The following PDE7A variants were observed in gnomAD, a reference collection of about 807,000 sequenced individuals.
PDE7A encodes high affinity 3',5'-cyclic-AMP phosphodiesterase 7A.
A neutral mutation model predicts 64.3 loss-of-function variants in PDE7A; 39 were observed. The observed-to-expected ratio is 0.61, with a 90% CI of 0.47 to 0.79. PDE7A has a LOEUF of 0.79. Among genes scored for constraint, PDE7A ranks in the 30% least tolerant of loss-of-function variants. The pLI is 0.00. For synonymous variants in PDE7A, 203 were observed against 206.8 expected, an observed-to-expected ratio of 0.98 and a Z score of 0.16; for missense variants, 470 against 582.8, an observed-to-expected ratio of 0.81 and a Z score of 1.99.
chr8:65,753,131 C>G (rs1233093892), intron 3 of PDE7A, among the ~76,000 whole-genome samples: 2 of 152,162 alleles, frequency 1.3e-5, no homozygotes, highest in Non-Finnish European at 2.9e-5. Flanking sequence ...CAGCACTATT[C>G]CATTAAGTGC....
intron 1 of PDE7A, among the ~76,000 whole-genome samples, chr8:65,827,931 C>T (rs1810719892): frequency 6.6e-6 from 1 of 152,144 alleles, no homozygotes; most frequent in African/African-American, 2.4e-5. Context: ...TACCTCTGAA[C>T]ACCTTCTATG....
chr8:65,796,059 TC>T (rs1392661156), intron 1 of PDE7A, among the ~76,000 whole-genome samples: 1 of 146,144 alleles, frequency 6.8e-6, no homozygotes, highest in East Asian at 2.0e-4. Context: ...TAAGAAAAGA[TC>T]AATAGAAATT....
chr8:65,789,452 T>G (rs935028548), intron 1 of PDE7A, among the ~76,000 whole-genome samples: 1 of 152,248 alleles, frequency 6.6e-6, no homozygotes, highest in Non-Finnish European at 1.5e-5. Flanking sequence ...AATTTTTAAT[T>G]GAAATTTGTT....
At chr8:65,738,658 C>T (rs1463271245) in intron 6 of PDE7A, among the ~76,000 whole-genome samples, 5 of 152,074 alleles carry the variant, frequency 3.3e-5, no homozygotes, top group Non-Finnish European at 7.4e-5. Context: ...GTCTCCAACT[C>T]GTGGCCTCAC....
chr8:65,727,355 C>T (rs1437576441), intron 7 of PDE7A, 54 bp from the exon 8 acceptor site: 56 of 1,601,404 alleles, frequency 3.5e-5, no homozygotes, highest in East Asian at 4.5e-5. Flanking sequence ...ATAAGCTCTA[C>T]GCCATCACAG....
chr8:65,839,446 A>G (rs888842050), intron 1 of PDE7A, among the ~76,000 whole-genome samples: 3 of 151,974 alleles, frequency 2.0e-5, no homozygotes, highest in Non-Finnish European at 2.9e-5. Context: ...AAAGAAATCA[A>G]TATCAACATA....
chr8:65,779,375 T>C (rs1013219987), intron 3 of PDE7A, among the ~76,000 whole-genome samples: 1 of 152,200 alleles, frequency 6.6e-6, no homozygotes, highest in Admixed American at 6.5e-5. Context: ...GAAATACCTT[T>C]ATAAAATATC....
chr8:65,800,601 C>CCT, intron 1 of PDE7A, among the ~76,000 whole-genome samples: 1 of 152,294 alleles, frequency 6.6e-6, no homozygotes, highest in East Asian at 1.9e-4. Flanking sequence ...TTGCTGTGTT[C>CCT]CTCTGTGTGG....
At chr8:65,835,476 T>A (rs551207108) in intron 1 of PDE7A, among the ~76,000 whole-genome samples, 25 of 152,222 alleles carry the variant, frequency 1.6e-4, no homozygotes, top group Non-Finnish European at 3.2e-4. Context: ...TAGACAAAAA[T>A]GAGACAGAAC....
chr8:65,755,690 T>C (rs1430186168), intron 3 of PDE7A, among the ~76,000 whole-genome samples: 1 of 152,274 alleles, frequency 6.6e-6, no homozygotes, highest in Admixed American at 6.5e-5. Flanking sequence ...ATATATTTAC[T>C]TGTGTAGTAA....
intron 3 of PDE7A, among the ~76,000 whole-genome samples, chr8:65,756,533 C>G (rs1468159316): frequency 6.6e-6 from 1 of 152,098 alleles, no homozygotes; most frequent in Admixed American, 6.5e-5. Flanking sequence ...GTTTCAACAG[C>G]AGATTTTTCA....
intron 1 of PDE7A, among the ~76,000 whole-genome samples, chr8:65,789,817 T>C (rs1307445989): frequency 6.6e-6 from 1 of 152,232 alleles, no homozygotes; most frequent in Non-Finnish European, 1.5e-5. Flanking sequence ...GCTGCTAATA[T>C]GTACCAGGCT....
Position 65,724,807 on chromosome 8 carries a change from T to G in PDE7A, c.1035A>C (p.Glu345Asp), listed in dbSNP as rs1342603227. 2 of 1,611,572 alleles carry G rather than the reference T, an allele frequency of 1.2e-6. No homozygotes were observed. Among genetic ancestry groups the G allele is most frequent in the African/African-American group, 1.3e-5 (1 of 74,930 alleles). ...AAACCAAATGTCTGTGTCTGGTGTCTTCTAGGCATAAATCACCTCTATCCA... is the reference window on the plus strand; with the variant it reads ...AAACCAAATGTCTGTGTCTGGTGTCGTCTAGGCATAAATCACCTCTATCCA... ...SHLDRGDLCL[E>D]DTRHRHLVLQ... The change falls in exon 10 of 13, where the codon GAA becomes GAC. Residue 345 changes from glutamate (E) to aspartate (D), a missense_variant. Glu to Asp is a conservative substitution (Grantham distance 45). Coordinates refer to ENST00000401827, the MANE Select transcript of PDE7A (RefSeq NM_001242318.3).
chr8:65,816,193 A>G (rs534803205), intron 1 of PDE7A, among the ~76,000 whole-genome samples: 1 of 152,348 alleles, frequency 6.6e-6, no homozygotes, highest in African/African-American at 2.4e-5. Flanking sequence ...AGCTCTTTAG[A>G]GTTCTCAGAA....
chr8:65,795,059 A>C (rs1212036376), intron 1 of PDE7A, among the ~76,000 whole-genome samples: 1 of 152,222 alleles, frequency 6.6e-6, no homozygotes, highest in Non-Finnish European at 1.5e-5. Flanking sequence ...CTTCGCCAGC[A>C]AAAAACATAA....
chr8:65,762,084 AATTACCCT>A (rs1808526871), intron 3 of PDE7A, among the ~76,000 whole-genome samples: 1 of 152,204 alleles, frequency 6.6e-6, no homozygotes, highest in Admixed American at 6.5e-5. Flanking sequence ...ACTAATCATG[AATTACCCT>A]TGGAGATTAT....
intron 1 of PDE7A, among the ~76,000 whole-genome samples, chr8:65,815,108 AAAGAAT>A (rs1240102616): frequency 1.2e-4 from 18 of 152,154 alleles, no homozygotes; most frequent in African/African-American, 4.1e-4. Flanking sequence ...ATTTTGCCAC[AAAGAAT>A]AATACACATT....
intron 1 of PDE7A, among the ~76,000 whole-genome samples, chr8:65,806,285 TA>T (rs145040551): frequency 0.059 from 8,718 of 148,754 alleles, 357 homozygotes; most frequent in Middle Eastern, 0.11. Flanking sequence ...AAATTTGTAG[TA>T]AAAAAAAAAG....
At chr8:65,802,394 A>T (rs1810012331) in intron 1 of PDE7A, among the ~76,000 whole-genome samples, 2 of 152,234 alleles carry the variant, frequency 1.3e-5, no homozygotes, top group Admixed American at 1.3e-4. Flanking sequence ...TTTCATGTTA[A>T]TTCATTAAAG....
Sources: allele counts gnomAD v4.1 joint callset (sites outside exome capture counted in the v4.1 genomes callset), GRCh38; gene constraint gnomAD v4.1.1; transcripts MANE v1.5; gene names NCBI Gene and HGNC (gene_info 2026-07-23, HGNC 2026-07-21).